UBXN6: variants seen among roughly 807,000 people sequenced by gnomAD.
The protein encoded by UBXN6 is UBX domain protein 6.
A neutral mutation model predicts 51.4 loss-of-function variants in UBXN6; 44 were observed. That is an observed-to-expected ratio of 0.86 (90% CI 0.67 to 1.10). The LOEUF (loss-of-function observed/expected upper bound fraction) is 1.10, where lower values mean the gene tolerates loss of function less well. Among genes scored for constraint, UBXN6 ranks in the 50% least tolerant of loss-of-function variants. The pLI, the probability that UBXN6 is intolerant of heterozygous loss-of-function variation, is 0.00. For missense variants in UBXN6, 672 were observed against 596.1 expected, an observed-to-expected ratio of 1.13 and a Z score of -1.32; for synonymous variants, 316 against 263.2, an observed-to-expected ratio of 1.20 and a Z score of -1.94.
At chr19:4,456,503 T>A (rs1330059744) in intron 1 of UBXN6, among the ~76,000 whole-genome samples, 1 of 151,144 alleles carries the variant, frequency 6.6e-6, no homozygotes, top group African/African-American at 2.4e-5. Context: ...CCTCAGTCCC[T>A]CTCCATCAGT....
chr19:4,448,367 A>G lies in UBXN6; in HGVS notation c.490T>C (p.Phe164Leu). ...TTCACCCGGTCCTGGTCTTTGTTGAACGTGTAGATCTTCATGATGGAGGCG... is the reference window on the plus strand; with the variant it reads ...TTCACCCGGTCCTGGTCTTTGTTGAGCGTGTAGATCTTCATGATGGAGGCG... ...VAASIMKIYT[F>L]NKDQDRVKLG... The change falls in exon 5 of 11, where the codon TTC becomes CTC. Residue 164 changes from phenylalanine to leucine, a missense_variant. Transcript: ENST00000301281. 1 of 1,610,818 alleles carries G rather than the reference A, an allele frequency of 6.2e-7. No individual in the cohort carries two copies. The highest frequency in any genetic ancestry group is 8.5e-7 in the Non-Finnish European group (1 of 1,178,894).
rs201302959 is a variant in UBXN6, at chr19:4,457,722, G to A, written c.-25C>T. ...TGGTGGCGGCTGGCCCGGCGGCGGGGGGCCGCGGGGGCGGGGGGGCACGGG... is the reference window on the plus strand; with the variant it reads ...TGGTGGCGGCTGGCCCGGCGGCGGGAGGCCGCGGGGGCGGGGGGGCACGGG... On this transcript the variant is annotated 5_prime_UTR_variant, in exon 1 of 11. Coordinates refer to ENST00000301281, the MANE Select transcript of UBXN6 (RefSeq NM_025241.3). 3.5e-4 allele frequency: 523 copies of A among 1,494,460 alleles called. 1 individual carries two copies. The highest frequency in any genetic ancestry group is 3.6e-4 in the Non-Finnish European group (408 of 1,121,936). The allele number at this position is 1,494,460 out of a possible 1,614,324, so 92.6% of individuals were successfully genotyped here. A position where few individuals can be genotyped will look rare whatever the true frequency, so the allele number is the denominator to read the frequency against.
rs369250495 is a variant in UBXN6 at position 4,445,628 on chromosome 19, G to A, written c.1201-5C>T. The A allele has an allele frequency of 2.9e-5, 47 of 1,612,024 alleles. No individual in the cohort carries two copies. The highest frequency in any genetic ancestry group is 2.5e-4 in the East Asian group (11 of 44,884). On this transcript the variant is annotated splice_region_variant and splice_polypyrimidine_tract_variant and intron_variant, in intron 10 of 10. Transcript: ENST00000301281. ...GGTCAGGAGGGCAGAGGGCACCTGC[G>A]GTAGGGGTAGGCCGTCACTCTGAGA...
intron 2 of UBXN6, 145 bp from the exon 3 acceptor site, chr19:4,453,667 C>A: frequency 1.8e-6 from 2 of 1,099,308 alleles, no homozygotes; most frequent in South Asian, 2.9e-5. Flanking sequence ...GCTGGAGGTC[C>A]CCTGCAGGAC....
rs774101724 is a variant in UBXN6, at chr19:4,446,877, G to A, written c.659C>T (p.Ala220Val). The A allele has an allele frequency of 6.2e-7, 1 of 1,614,012 alleles. No homozygotes were observed. The highest frequency in any genetic ancestry group is 8.5e-7 in the Non-Finnish European group (1 of 1,180,014). The change falls in exon 7 of 11, where the codon GCC (alanine) becomes GTC (valine). Residue 220 changes from alanine to valine, a missense_variant. Ala to Val is a moderately conservative substitution (Grantham distance 64). Coordinates refer to ENST00000301281, the MANE Select transcript of UBXN6 (RefSeq NM_025241.3). ...CLEGTHEFFEAIGFQKVLLPA... is the reference protein window; with the variant it reads ...CLEGTHEFFEVIGFQKVLLPA... ...AAGCAACACCTTCTGGAACCCAATG[G>A]CCTCAAAAAACTCGTGGGTCCCTTC...
chr19:4,452,268 T>C (rs1974665280), intron 4 of UBXN6, 96 bp downstream of exon 4: 4 of 1,537,836 alleles, frequency 2.6e-6, no homozygotes, highest in Non-Finnish European at 3.5e-6. Context: ...CTCTGGGGAC[T>C]CTGGGAGGGA....
At position 4,446,623 on chromosome 19, in the gene UBXN6, A is replaced by C; in HGVS notation, c.797T>G (p.Val266Gly). ...GCGCTGCCTGTCCAGCTTGGCGCGC[A>C]CGGGCTCCGCAGCCAGCAGCTGTTC... is the stretch of plus-strand genomic sequence containing the variant. ...HKEQLLAAEP[V>G]RAKLDRQRRV... The change falls in exon 8 of 11, where the codon GTG (valine) becomes GGG (glycine). Residue 266 changes from valine (V) to glycine (G), a missense_variant. Val to Gly is a moderately radical substitution (Grantham distance 109, BLOSUM62 -3). Transcript: ENST00000301281. 4 of 1,612,526 alleles carry C rather than the reference A, an allele frequency of 2.5e-6. No homozygotes were observed. Among genetic ancestry groups the C allele is most frequent in the Non-Finnish European group, 2.5e-6 (3 of 1,179,760 alleles).
chr19:4,450,053 C>T (rs570606846), intron 4 of UBXN6: 22 of 151,620 alleles, frequency 1.5e-4, no homozygotes, highest in Admixed American at 1.3e-3. Context: ...CATGGTGAAA[C>T]CTCATCTCTA....
In UBXN6 at chr19:4,446,142, G is replaced by T; in HGVS notation, c.1107C>A (p.Ala369=). ...LGAVYGFVRE[A]LQSDWLPFEL... is the part of the protein sequence containing the mutation. ...CAAAAGGCAGCCAGTCGCTCTGCAG[G>T]GCCTCCCGGACGAACCCGTACACCG... The change falls in exon 10 of 11, where the codon GCC becomes GCA. Residue 369 remains alanine (A), a synonymous_variant. Coordinates refer to ENST00000301281, the MANE Select transcript of UBXN6 (RefSeq NM_025241.3). 1 of 1,611,874 alleles carries T rather than the reference G, an allele frequency of 6.2e-7. No homozygotes were observed. Among genetic ancestry groups the T allele is most frequent in the Non-Finnish European group, 8.5e-7 (1 of 1,179,822 alleles).
chr19:4,445,561 C>G lies in UBXN6; in HGVS notation c.1263G>C (p.Ala421=). The change falls in exon 11 of 11, where the codon GCG becomes GCC. Residue 421 remains alanine (A), a synonymous_variant. Coordinates refer to ENST00000301281, the MANE Select transcript of UBXN6 (RefSeq NM_025241.3). The part of the protein sequence containing the change: ...DMAVLEDIKA[A]GAEPDSILKP... The stretch of plus-strand genomic sequence containing the variant: ...TCAGGATGGAGTCCGGCTCGGCCCC[C>G]GCGGCCTTGATGTCCTCCAGCACAG... 2 of 1,613,844 alleles carry G rather than the reference C, an allele frequency of 1.2e-6. No individual in the cohort carries two copies. Among genetic ancestry groups the G allele is most frequent in the South Asian group, 1.1e-5 (1 of 91,092 alleles).
At chr19:4,450,885 A>G (rs1048260691) in intron 4 of UBXN6, 1 of 152,008 alleles carries the variant, frequency 6.6e-6, no homozygotes, top group Admixed American at 6.6e-5. Context: ...AAATAAGGAA[A>G]GTGCAAATTA....
Position 4,457,617 on chromosome 19 carries a change from C to A in UBXN6, c.81G>T (p.Val27=). ...AAGCCCCTGCGTTCCTCACGCACCC[C>A]ACGGACTCTTTGAGCTTCTGACCGG... ...AGPGQKLKES[V]GEKAHKEKPN... Residue 27 remains valine (V), a splice_region_variant and synonymous_variant, in exon 1 of 11, where the codon GTG becomes GTT. Coordinates refer to ENST00000301281, the MANE Select transcript of UBXN6 (RefSeq NM_025241.3). 6.3e-7 allele frequency: 1 copy of A among 1,598,282 alleles called. No homozygotes were observed. The highest frequency in any genetic ancestry group is 2.3e-5 in the East Asian group (1 of 43,554).
intron 3 of UBXN6, 144 bp downstream of exon 3, chr19:4,453,314 C>T: frequency 1.1e-6 from 1 of 897,448 alleles, no homozygotes; most frequent in Non-Finnish European, 1.7e-6. Context: ...ACACCGTGTT[C>T]CACCACAACC....
chr19:4,446,952 C>G lies in UBXN6; in HGVS notation c.616-32G>C, dbSNP rs200531988. 36 of 1,606,894 alleles carry G rather than the reference C, an allele frequency of 2.2e-5. No homozygotes were observed. In the East Asian group the frequency reaches 8.1e-4, roughly 36 times the overall value. On this transcript the variant is annotated intron_variant, in intron 6 of 10. Coordinates refer to ENST00000301281, the MANE Select transcript of UBXN6 (RefSeq NM_025241.3). ...GTGGAGATGGGCGTCACTGGGGGCC[C>G]CTGGCTTCCTCCATGGCCTGGCCAC...
chr19:4,447,668 C>G, intron 5 of UBXN6, 43 bp from the exon 6 acceptor site: 1 of 1,598,548 alleles, frequency 6.3e-7, no homozygotes, highest in Admixed American at 1.7e-5. Flanking sequence ...GCCCAGGCTG[C>G]CCACCCGGCC....
rs1360520069 is a variant in UBXN6 at position 4,446,530 on chromosome 19, G to A, written c.890C>T (p.Ala297Val). ...CCTCTGCTCCCGCTTGATCTCCTCT[G>A]CTGTGAGGTTGAAGAAGTCCCCAGG... ...ELPGDFFNLT[A>V]EEIKREQRLR... Residue 297 changes from alanine (A) to valine (V), a missense_variant, in exon 8 of 11, where the codon GCA becomes GTA. By Grantham distance (64) the Ala-to-Val change is moderately conservative. Transcript: ENST00000301281. 3 of 1,611,730 alleles carry A rather than the reference G, an allele frequency of 1.9e-6. No individual in the cohort carries two copies. Among genetic ancestry groups the A allele is most frequent in the Non-Finnish European group, 8.5e-7 (1 of 1,179,858 alleles).
In UBXN6 at chr19:4,452,493, C is replaced by G; in HGVS notation, c.313-1G>C. Reference sequence around the variant, plus strand: ...AGCCTTCCTCTCTGGGCTCAGATACCTGGGGCGGTGAAAGCGTCCAAGTCT... The same window carrying G: ...AGCCTTCCTCTCTGGGCTCAGATACGTGGGGCGGTGAAAGCGTCCAAGTCT... On this transcript the variant is annotated splice_acceptor_variant, in intron 3 of 10. Coordinates refer to ENST00000301281, the MANE Select transcript of UBXN6 (RefSeq NM_025241.3). LOFTEE classifies it high-confidence loss of function. 1.2e-6 allele frequency: 2 copies of G among 1,610,142 alleles called. No homozygotes were observed. Among genetic ancestry groups the G allele is most frequent in the Non-Finnish European group, 1.7e-6 (2 of 1,179,358 alleles).
chr19:4,455,046 C>G (rs544427368), intron 1 of UBXN6: 1 of 221,622 alleles, frequency 4.5e-6, no homozygotes, highest in Admixed American at 6.5e-5. Context: ...TGTGCAAGTA[C>G]GAAGAGCTCA....
At position 4,446,263 on chromosome 19, in the gene UBXN6, C is replaced by T. The variant is rs570643547; in HGVS notation, c.1051+20G>A. The T allele has an allele frequency of 1.0e-4, 157 of 1,568,892 alleles. No individual in the cohort carries two copies. Among genetic ancestry groups the T allele is most frequent in the Non-Finnish European group, 7.7e-5 (89 of 1,160,828 alleles). Reference sequence around the variant, plus strand: ...CCCTACCAACCCGAGCCGCCCTCCACGGGCATCGTTGGTGCCCACCCTGCA... The same window carrying T: ...CCCTACCAACCCGAGCCGCCCTCCATGGGCATCGTTGGTGCCCACCCTGCA... On this transcript the variant is annotated intron_variant, in intron 9 of 10. Transcript: ENST00000301281.
Sources: gnomAD v4.1 joint callset for allele counts (sites outside exome capture counted in the v4.1 genomes callset) on GRCh38, gnomAD v4.1.1 for gene constraint, MANE v1.5 for transcripts, NCBI Gene and HGNC (gene_info 2026-07-23, HGNC 2026-07-21) for gene names.